LMO3: variants seen among roughly 807,000 people sequenced by gnomAD.
LMO3 encodes the protein LIM domain only 3.
A neutral mutation model predicts 15.8 loss-of-function variants in LMO3; 2 were observed. That is an observed-to-expected ratio of 0.13 (90% CI 0.05 to 0.40). LMO3 has a LOEUF of 0.40. Among genes scored for constraint, LMO3 ranks in the 10% least tolerant of loss-of-function variants. The pLI is 0.99. For missense variants in LMO3, 86 were observed against 182.2 expected, an observed-to-expected ratio of 0.47 and a Z score of 3.04; for synonymous variants, 62 against 63.8, an observed-to-expected ratio of 0.97 and a Z score of 0.13.
In LMO3 at chr12:16,551,279, G is replaced by A. The variant is rs773011104; in HGVS notation, c.381C>T (p.Cys127=). 2.1e-5 allele frequency: 34 copies of A among 1,612,856 alleles called. No individual in the cohort carries two copies. The Admixed American group carries it at 5.5e-4, about 26-fold the overall frequency. ...TTAAACCTTCCTCGTAGTCCGTCTG[G>A]CAAAGGATCATGTTATTCTTTAGGA... is the stretch of plus-strand genomic sequence containing the variant. The part of the protein sequence containing the change: ...KFFLKNNMIL[C]QTDYEEGLMK... The change falls in exon 4 of 4, where the codon TGC becomes TGT. Residue 127 remains cysteine (C), a synonymous_variant. Coordinates refer to ENST00000537304, the MANE Select transcript of LMO3 (RefSeq NM_018640.5).
upstream of LMO3, chr12:16,608,450 G>T (rs1944070568): frequency 6.6e-6 from 1 of 152,094 alleles, no homozygotes; most frequent in Non-Finnish European, 1.5e-5. The surrounding 1 kb of genome is among the most constrained non-coding windows in gnomAD (Gnocchi z 4.1). Context: ...CTAATTAAAT[G>T]ATGGGATTAT....
chr12:16,574,662 G>T (rs981949901), intron 2 of LMO3, among the ~76,000 whole-genome samples: 1 of 152,122 alleles, frequency 6.6e-6, no homozygotes. Flanking sequence ...TCCTATCTGT[G>T]CTCTGTTAAC....
chr12:16,568,853 G>A (rs1942709858), intron 2 of LMO3, among the ~76,000 whole-genome samples: 2 of 152,040 alleles, frequency 1.3e-5, no homozygotes, highest in Admixed American at 1.3e-4. Flanking sequence ...GAAACAAATG[G>A]AGATCCAAAA....
In LMO3 at chr12:16,588,548, C is replaced by A. The variant is rs143008455; in HGVS notation, c.206+12107G>T. 1.3e-3 allele frequency among the ~76,000 whole-genome samples: 196 copies of A among 152,160 alleles called. 2 individuals are homozygous for A. The East Asian group carries it at 0.029, about 23-fold the overall frequency. On this transcript the variant is annotated intron_variant, in intron 2 of 3. Transcript: ENST00000537304. The stretch of plus-strand genomic sequence containing the variant: ...TATAAGGTATTTTAGAAAACTATCA[C>A]CTCAGTTACAAAGGAAATAGAATTT...
chr12:16,606,073 A>C lies in LMO3; in HGVS notation c.-16T>G. On this transcript the variant is annotated 5_prime_UTR_variant, in exon 1 of 4. Transcript: ENST00000537304. Reference sequence around the variant, plus strand: ...CACAGTTGCTGCACTTACCTTCTCAATTAAGCGATACAGGGGGAGGCCGTT... The same window carrying C: ...CACAGTTGCTGCACTTACCTTCTCACTTAAGCGATACAGGGGGAGGCCGTT... The C allele has an allele frequency of 1.9e-6, 1 of 515,924 alleles. No homozygotes were observed. The highest frequency in any genetic ancestry group is 3.5e-6 in the Non-Finnish European group (1 of 287,986). 32.0% of individuals were successfully genotyped at this position (515,924 alleles called of 1,614,324 possible).
At chr12:16,557,367 A>ATTT (rs68115649) in intron 3 of LMO3, among the ~76,000 whole-genome samples, 4 of 142,716 alleles carry the variant, frequency 2.8e-5, no homozygotes, top group Middle Eastern at 3.4e-3. Flanking sequence ...GGTGGCAAGG[A>ATTT]TTTTTTTTTT....
In LMO3 at chr12:16,576,849, T is replaced by G. The variant is rs979330137; in HGVS notation, c.207-16311A>C. ...GTACAATGGACATAAGACCTGTAGG[T>G]GGAAGTCAAAAATAAATTACTTAAA... On this transcript the variant is annotated intron_variant, in intron 2 of 3. Coordinates refer to ENST00000537304, the MANE Select transcript of LMO3 (RefSeq NM_018640.5). The surrounding 1 kb of genome is among the most constrained non-coding windows in gnomAD (Gnocchi z 4.1). Among the ~76,000 whole-genome samples, 1 of 152,176 alleles carries G rather than the reference T, an allele frequency of 6.6e-6. No individual in the cohort carries two copies. Among genetic ancestry groups the G allele is most frequent in the African/African-American group, 2.4e-5 (1 of 41,454 alleles).
chr12:16,601,328 G>A (rs556741547), intron 1 of LMO3, among the ~76,000 whole-genome samples: 1 of 152,252 alleles, frequency 6.6e-6, no homozygotes, highest in Non-Finnish European at 1.5e-5. Flanking sequence ...GCTTGATGGT[G>A]GAAGGAGAGG....
intron 2 of LMO3, among the ~76,000 whole-genome samples, chr12:16,561,175 A>C (rs989320081): frequency 2.0e-5 from 3 of 152,158 alleles, no homozygotes; most frequent in Non-Finnish European, 2.9e-5. Context: ...AACCACTGGA[A>C]TTGTCTAGGA....
chr12:16,588,531 A>G (rs1943394436), intron 2 of LMO3, among the ~76,000 whole-genome samples: 1 of 152,096 alleles, frequency 6.6e-6, no homozygotes, highest in Non-Finnish European at 1.5e-5. Flanking sequence ...TATATAAGGT[A>G]TTTTAGAAAA....
chr12:16,593,064 C>T lies in LMO3; in HGVS notation c.206+7591G>A, dbSNP rs890891176. Among the ~76,000 whole-genome samples, 3 of 151,764 alleles carry T rather than the reference C, an allele frequency of 2.0e-5. No homozygotes were observed. Among genetic ancestry groups the T allele is most frequent in the Non-Finnish European group, 4.4e-5 (3 of 67,804 alleles). On this transcript the variant is annotated intron_variant, in intron 2 of 3. Coordinates refer to ENST00000537304, the MANE Select transcript of LMO3 (RefSeq NM_018640.5). The surrounding 1 kb of genome is among the most constrained non-coding windows in gnomAD (Gnocchi z 4.2). Reference sequence around the variant, plus strand: ...CTGTGGTATCTGGATTACTGTTAAACATTAGGATTAGCACATTTTATGAAG... The same window carrying T: ...CTGTGGTATCTGGATTACTGTTAAATATTAGGATTAGCACATTTTATGAAG...
In LMO3 at chr12:16,555,495, A is replaced by G. The variant is rs4763448; in HGVS notation, c.333-4168T>C. 2.9e-4 allele frequency among the ~76,000 whole-genome samples: 44 copies of G among 152,196 alleles called. No individual in the cohort carries two copies. The highest frequency in any genetic ancestry group is 5.0e-4 in the Non-Finnish European group (34 of 68,034). On this transcript the variant is annotated intron_variant, in intron 3 of 3. Transcript: ENST00000537304. This position sits in a 1 kb window ranked among gnomAD's most constrained non-coding sequence, Gnocchi z 5.5. ...ACCATCATAAACTGTACTACCACTT[A>G]AGGTGTGTGGTCAATAAAAATTGGT... is the stretch of plus-strand genomic sequence containing the variant.
At chr12:16,572,607 A>G (rs1205633026) in intron 2 of LMO3, among the ~76,000 whole-genome samples, 1 of 149,162 alleles carries the variant, frequency 6.7e-6, no homozygotes, top group Non-Finnish European at 1.5e-5. Context: ...AGGGTGTGTA[A>G]TATCCACGTA....
chr12:16,591,589 C>G lies in LMO3; in HGVS notation c.206+9066G>C, dbSNP rs113145474. 1.6e-3 allele frequency among the ~76,000 whole-genome samples: 240 copies of G among 152,002 alleles called. 4 individuals are homozygous for G. Among genetic ancestry groups the G allele is most frequent in the African/African-American group, 5.5e-3 (229 of 41,470 alleles). ...CAGTACCTAGAATATACAGAATGAT[C>G]ACATTTATTGAATGAAAAAATGGGA... On this transcript the variant is annotated intron_variant, in intron 2 of 3. Coordinates refer to ENST00000537304, the MANE Select transcript of LMO3 (RefSeq NM_018640.5). This position sits in a 1 kb window ranked among gnomAD's most constrained non-coding sequence, Gnocchi z 4.1.
In LMO3 at chr12:16,587,986, G is replaced by C. The variant is rs1237506892; in HGVS notation, c.206+12669C>G. On this transcript the variant is annotated intron_variant, in intron 2 of 3. Transcript: ENST00000537304. The surrounding 1 kb of genome is among the most constrained non-coding windows in gnomAD (Gnocchi z 4.3). ...ATGCTTAAAAAGTCCCTTTCTTTCA[G>C]ATAATTACCCTGTCTTTCTCTTACG... 2.0e-5 allele frequency among the ~76,000 whole-genome samples: 3 copies of C among 152,052 alleles called. No homozygotes were observed. The highest frequency in any genetic ancestry group is 7.2e-5 in the African/African-American group (3 of 41,434).
intron 2 of LMO3, among the ~76,000 whole-genome samples, chr12:16,595,580 T>C (rs1477143598): frequency 6.6e-6 from 1 of 151,406 alleles, no homozygotes; most frequent in Non-Finnish European, 1.5e-5. Flanking sequence ...AATTCAATAA[T>C]GCTTCTTCTA....
intron 3 of LMO3, among the ~76,000 whole-genome samples, chr12:16,557,366 GAT>G (rs1491132082): frequency 1.5e-4 from 16 of 104,480 alleles, no homozygotes; most frequent in African/African-American, 5.4e-4. Context: ...AGGTGGCAAG[GAT>G]TTTTTTTTTT....
intron 3 of LMO3, among the ~76,000 whole-genome samples, chr12:16,558,182 T>A (rs7975434): frequency 0.25 from 37,377 of 152,022 alleles, 5,521 homozygotes; most frequent in South Asian, 0.38. Context: ...AATGTGAGTG[T>A]AATATTTATA....
intron 2 of LMO3, among the ~76,000 whole-genome samples, chr12:16,594,643 C>G (rs1282657493): frequency 6.6e-6 from 1 of 151,562 alleles, no homozygotes. Flanking sequence ...GACTTCAGTG[C>G]CCCACAGTGT....
Sources: gnomAD v4.1 joint callset for allele counts (sites outside exome capture counted in the v4.1 genomes callset) on GRCh38, gnomAD v4.1.1 for gene constraint, Gnocchi (gnomAD v3.1) non-coding constraint, MANE v1.5 for transcripts, NCBI Gene and HGNC (gene_info 2026-07-23, HGNC 2026-07-21) for gene names.